Variants in PTDSS2 observed in about 807,000 individuals in gnomAD.
PTDSS2 encodes PSS-2.
PTDSS2 carries 41 observed loss-of-function variants against 64.7 expected under a neutral mutation model. The ratio of observed to expected loss-of-function variants is 0.63; its 90% CI spans 0.49 to 0.82. The LOEUF (loss-of-function observed/expected upper bound fraction) is 0.82, where lower values mean the gene tolerates loss of function less well. Ranked by LOEUF, PTDSS2 falls within the 40% of genes least tolerant of loss-of-function variation. The pLI is 0.00. For synonymous variants in PTDSS2, 297 were observed against 277.8 expected, an observed-to-expected ratio of 1.07 and a Z score of -0.69; for missense variants, 485 against 650.0, an observed-to-expected ratio of 0.75 and a Z score of 2.76.
chr11:489,103 G>A (rs966163636), intron 8 of PTDSS2, among the ~76,000 whole-genome samples: 5 of 152,364 alleles, frequency 3.3e-5, no homozygotes, highest in South Asian at 2.1e-4. Context: ...ACCGTGGAGC[G>A]CCCTCTGAGG....
chr11:485,949 A>C (rs1439909361), intron 4 of PTDSS2, among the ~76,000 whole-genome samples: 1 of 110,400 alleles, frequency 9.1e-6, no homozygotes, highest in African/African-American at 3.9e-5. Context: ...GGCGAGCGTA[A>C]ACAGTGCACG....
intron 3 of PTDSS2, among the ~76,000 whole-genome samples, chr11:477,453 G>A (rs1317516905): frequency 1.3e-5 from 2 of 152,198 alleles, no homozygotes; most frequent in Admixed American, 1.3e-4. Context: ...GCTGCTCCGG[G>A]AAGCGACCCA....
At chr11:451,223 G>A in intron 1 of PTDSS2, 1 of 252,422 alleles carries the variant, frequency 4.0e-6, no homozygotes. Context: ...AGCGGGGCCA[G>A]CGCCTCCTCC....
chr11:455,047 G>A (rs558822135), intron 1 of PTDSS2, among the ~76,000 whole-genome samples: 1 of 151,712 alleles, frequency 6.6e-6, no homozygotes, highest in East Asian at 1.9e-4. Context: ...TGTGTGGAGT[G>A]GTGGCATTCT....
rs1358313238 is a variant in PTDSS2, at chr11:462,373, T to C, written c.284+2085T>C. ...TCCAGCAGGGAGCCCCTGCGTGTGT[T>C]CATTGAGAGGGGCCAGGAGACGGGA... On this transcript the variant is annotated intron_variant, in intron 2 of 11. Coordinates refer to ENST00000308020, the MANE Select transcript of PTDSS2 (RefSeq NM_030783.3). The surrounding 1 kb of genome is among the most constrained non-coding windows in gnomAD (Gnocchi z 4.5). 6.6e-6 allele frequency among the ~76,000 whole-genome samples: 1 copy of C among 152,044 alleles called. No homozygotes were observed. The highest frequency in any genetic ancestry group is 1.5e-5 in the Non-Finnish European group (1 of 67,980).
intron 7 of PTDSS2, 101 bp downstream of exon 7, chr11:488,413 G>T: frequency 7.6e-7 from 1 of 1,312,664 alleles, no homozygotes. Flanking sequence ...ATTCTCCCCG[G>T]GGGGCAGTGG....
intron 1 of PTDSS2, chr11:451,411 G>A (rs984800809): frequency 4.5e-6 from 2 of 448,704 alleles, no homozygotes; most frequent in Non-Finnish European, 4.5e-6. Flanking sequence ...GCCCTTTGCC[G>A]ATGCTCCTCT....
rs1299011933 is a variant in PTDSS2, at chr11:462,383, G to A, written c.284+2095G>A. ...AGCCCCTGCGTGTGTTCATTGAGAGGGGCCAGGAGACGGGAATTCACGGGG... is the reference window on the plus strand; with the variant it reads ...AGCCCCTGCGTGTGTTCATTGAGAGAGGCCAGGAGACGGGAATTCACGGGG... On this transcript the variant is annotated intron_variant, in intron 2 of 11. Coordinates refer to ENST00000308020, the MANE Select transcript of PTDSS2 (RefSeq NM_030783.3). The surrounding 1 kb of genome is among the most constrained non-coding windows in gnomAD (Gnocchi z 4.5). 6.6e-6 allele frequency among the ~76,000 whole-genome samples: 1 copy of A among 152,210 alleles called. No homozygotes were observed. Among genetic ancestry groups the A allele is most frequent in the Non-Finnish European group, 1.5e-5 (1 of 68,032 alleles).
intron 8 of PTDSS2, 44 bp downstream of exon 8, chr11:488,691 C>G: frequency 7.0e-7 from 1 of 1,423,370 alleles, no homozygotes; most frequent in Non-Finnish European, 9.9e-7. Flanking sequence ...TGGGGGTTAC[C>G]TGGAGGCAGC....
Position 460,401 on chromosome 11 carries a change from G to C in PTDSS2, c.284+113G>C, listed in dbSNP as rs937316377. 2.3e-5 allele frequency: 18 copies of C among 792,624 alleles called. No individual in the cohort carries two copies. In the Admixed American group the frequency reaches 2.6e-4, roughly 11 times the overall value. 49.1% of individuals were successfully genotyped at this position (792,624 alleles called of 1,614,324 possible). A position where few individuals can be genotyped will look rare whatever the true frequency, so the allele number is the denominator to read the frequency against. On this transcript the variant is annotated intron_variant, in intron 2 of 11. Transcript: ENST00000308020. The surrounding 1 kb of genome is among the most constrained non-coding windows in gnomAD (Gnocchi z 5.8). Reference sequence around the variant, plus strand: ...CTCAGAAGGCCTTCACCAGAGGGCTGCGTGGGGCCGCCGGCCTCTCCCTTG... The same window carrying C: ...CTCAGAAGGCCTTCACCAGAGGGCTCCGTGGGGCCGCCGGCCTCTCCCTTG...
At chr11:452,275 TAGC>T (rs1474609790) in intron 1 of PTDSS2, among the ~76,000 whole-genome samples, 2 of 152,224 alleles carry the variant, frequency 1.3e-5, no homozygotes, top group African/African-American at 4.8e-5. Context: ...CTACGGGACA[TAGC>T]AGAGAACTAA....
At chr11:474,775 A>G (rs977543643) in intron 3 of PTDSS2, among the ~76,000 whole-genome samples, 2 of 152,252 alleles carry the variant, frequency 1.3e-5, no homozygotes, top group African/African-American at 4.8e-5. Context: ...AAATACAAAG[A>G]TACTTAAAAA....
At chr11:458,391 G>C (rs1261654175) in intron 1 of PTDSS2, among the ~76,000 whole-genome samples, 3 of 151,424 alleles carry the variant, frequency 2.0e-5, no homozygotes, top group Admixed American at 6.6e-5. Flanking sequence ...ATTTTTAGTA[G>C]AGATGGGGTT....
chr11:451,955 C>T (rs1564955941), intron 1 of PTDSS2, among the ~76,000 whole-genome samples: 2 of 152,144 alleles, frequency 1.3e-5, no homozygotes, highest in Non-Finnish European at 2.9e-5. Flanking sequence ...CCACGTGGAC[C>T]CTCTGGCTTC....
rs1452452785 is a variant in PTDSS2 at position 468,917 on chromosome 11, G to GA, written c.285-4978_285-4977insA. On this transcript the variant is annotated intron_variant, in intron 2 of 11. Transcript: ENST00000308020. ...GTCTCTGGGTAATCGGAGGGAGGAG[G>GA]GGAGTCTCTGGGTAATCGGAGAAAG... is the stretch of plus-strand genomic sequence containing the variant. Among the ~76,000 whole-genome samples, 70 of 148,704 alleles carry GA rather than the reference G, an allele frequency of 4.7e-4. 4 individuals are homozygous for GA. Among genetic ancestry groups the GA allele is most frequent in the African/African-American group, 1.7e-3 (69 of 39,446 alleles).
In PTDSS2 at chr11:486,990, G is replaced by A; in HGVS notation, c.487G>A (p.Val163Ile). 6.2e-7 allele frequency: 1 copy of A among 1,613,444 alleles called. No homozygotes were observed. The highest frequency in any genetic ancestry group is 1.3e-5 in the African/African-American group (1 of 75,072). Residue 163 changes from valine (V) to isoleucine (I), a missense_variant, in exon 5 of 12, where the codon GTC (valine) becomes ATC (isoleucine). Physicochemically the swap from Val to Ile is conservative, Grantham distance 29 (BLOSUM62 3). This residue lies in a region of PTDSS2 where 251 missense variants were observed against 348.0 expected (regional missense o/e 0.72). Transcript: ENST00000308020. ...FLKYVDPKLG[V>I]PLPERDYGGN... ...AAAGTATGTTGACCCCAAGCTGGGA[G>A]TCCCACTGCCAGAGAGAGACTACGG...
chr11:476,429 T>C lies in PTDSS2; in HGVS notation c.367+2452T>C, dbSNP rs941407398. 1.3e-5 allele frequency among the ~76,000 whole-genome samples: 2 copies of C among 152,052 alleles called. No individual in the cohort carries two copies. The highest frequency in any genetic ancestry group is 2.4e-5 in the African/African-American group (1 of 41,400). ...GAAAAGCCTGGTGCAGTTACGTGCT[T>C]GTTGGGTGGATTTGGAGGGAAGAAA... On this transcript the variant is annotated intron_variant, in intron 3 of 11. Transcript: ENST00000308020. The surrounding 1 kb of genome is among the most constrained non-coding windows in gnomAD (Gnocchi z 4.9).
chr11:475,461 A>G (rs562033139), intron 3 of PTDSS2, among the ~76,000 whole-genome samples: 77 of 150,672 alleles, frequency 5.1e-4, no homozygotes, highest in African/African-American at 1.8e-3. Context: ...ATACGGATAT[A>G]TTCACGCATT....
At chr11:464,593 T>C (rs2133779219) in intron 2 of PTDSS2, among the ~76,000 whole-genome samples, 1 of 152,352 alleles carries the variant, frequency 6.6e-6, no homozygotes, top group South Asian at 2.1e-4. Flanking sequence ...TCCTCCGGCC[T>C]GGCCTCTCCC....
Sources: allele counts gnomAD v4.1 joint callset (sites outside exome capture counted in the v4.1 genomes callset), GRCh38; gene constraint gnomAD v4.1.1; regional missense constraint gnomAD v4.1.1; non-coding constraint Gnocchi (gnomAD v3.1); transcripts MANE v1.5; gene names NCBI Gene and HGNC (gene_info 2026-07-23, HGNC 2026-07-21).